Variants in MACROD2 observed in about 807,000 individuals in gnomAD.
MACROD2 encodes ADP-ribose glycohydrolase MACROD2.
In MACROD2, 36 loss-of-function variants were observed where a neutral mutation model predicts 70.4. That is an observed-to-expected ratio of 0.51 (90% CI 0.39 to 0.68). MACROD2 has a LOEUF of 0.68. MACROD2 is among the 30% of genes least tolerant of loss of function. The pLI is 0.00. For synonymous variants in MACROD2, 172 were observed against 178.8 expected (o/e 0.96, Z 0.30); for missense variants, 496 against 538.4 (o/e 0.92, Z 0.78).
chr20:14,826,163 A>G (rs145755780), intron 5 of MACROD2, among the ~76,000 whole-genome samples: 1 of 152,092 alleles, frequency 6.6e-6, no homozygotes, highest in Non-Finnish European at 1.5e-5. Flanking sequence ...TCACTCTGCA[A>G]TAGTTCAATT....
At chr20:14,722,943 A>G (rs1360227850) in intron 5 of MACROD2, among the ~76,000 whole-genome samples, 1 of 152,206 alleles carries the variant, frequency 6.6e-6, no homozygotes, top group Non-Finnish European at 1.5e-5. Flanking sequence ...GTCAGCTTAT[A>G]TTAATCTGAC....
chr20:15,020,443 T>G (rs2075156388), intron 5 of MACROD2, among the ~76,000 whole-genome samples: 1 of 152,202 alleles, frequency 6.6e-6, no homozygotes, highest in South Asian at 2.1e-4. Context: ...CTGAAGCCTG[T>G]GTCTTAAAAC....
intron 3 of MACROD2, among the ~76,000 whole-genome samples, chr20:14,235,902 T>TA (rs2081865079): frequency 1.0e-5 from 1 of 96,872 alleles, no homozygotes; most frequent in African/African-American, 4.0e-5. Flanking sequence ...AGGCAAATAA[T>TA]ACGTGGAAAA....
chr20:14,151,709 T>C (rs2055023607), intron 3 of MACROD2, among the ~76,000 whole-genome samples: 2 of 152,040 alleles, frequency 1.3e-5, no homozygotes, highest in African/African-American at 4.8e-5. Flanking sequence ...AAAAGTATTG[T>C]CTCCAAAGCT....
At chr20:15,354,641 A>G (rs1600283430) in intron 6 of MACROD2, among the ~76,000 whole-genome samples, 1 of 150,730 alleles carries the variant, frequency 6.6e-6, no homozygotes, top group Middle Eastern at 3.4e-3. Context: ...TTAAATGTAA[A>G]TTTTAAAAAA....
chr20:15,408,730 G>T (rs1372252164), intron 6 of MACROD2, among the ~76,000 whole-genome samples: 1 of 152,154 alleles, frequency 6.6e-6, no homozygotes, highest in Non-Finnish European at 1.5e-5. Context: ...AAAGCATTGT[G>T]GAAAGGAAAG....
intron 4 of MACROD2, chr20:14,629,047 A>G (rs2123469432): frequency 6.6e-6 from 1 of 152,310 alleles, no homozygotes; most frequent in Middle Eastern, 3.4e-3. Flanking sequence ...CCTTCCTAAT[A>G]TGCCATATGC....
At chr20:15,815,146 G>T (rs2063859992) in intron 8 of MACROD2, among the ~76,000 whole-genome samples, 1 of 152,200 alleles carries the variant, frequency 6.6e-6, no homozygotes, top group African/African-American at 2.4e-5. Flanking sequence ...GGCTTCAAGT[G>T]CTGGACATGG....
chr20:15,192,618 C>G (rs1356746165), intron 5 of MACROD2, among the ~76,000 whole-genome samples: 1 of 152,174 alleles, frequency 6.6e-6, no homozygotes, highest in Admixed American at 6.5e-5. Flanking sequence ...TATCACTTAG[C>G]CATAAACTAA....
intron 12 of MACROD2, among the ~76,000 whole-genome samples, chr20:15,939,709 A>T (rs1397485817): frequency 6.6e-6 from 1 of 152,052 alleles, no homozygotes; most frequent in Non-Finnish European, 1.5e-5. Flanking sequence ...TAAGACTGTA[A>T]CTGCCATAGA....
At chr20:14,198,042 T>C (rs1269765524) in intron 3 of MACROD2, among the ~76,000 whole-genome samples, 1 of 152,098 alleles carries the variant, frequency 6.6e-6, no homozygotes, top group Non-Finnish European at 1.5e-5. Context: ...TGGTGGAGAA[T>C]GCTGAGTGGT....
intron 2 of MACROD2, among the ~76,000 whole-genome samples, chr20:14,006,021 T>A (rs943285357): frequency 1.3e-5 from 2 of 152,240 alleles, no homozygotes; most frequent in Non-Finnish European, 2.9e-5. Flanking sequence ...CCCATAAGAT[T>A]ATAATACTGT....
intron 5 of MACROD2, among the ~76,000 whole-genome samples, chr20:14,805,231 G>C (rs965968540): frequency 6.6e-6 from 1 of 152,074 alleles, no homozygotes; most frequent in South Asian, 2.1e-4. Flanking sequence ...TTAAGGAAAA[G>C]TTAAGACGTT....
At chr20:15,456,275 C>A (rs1277320592) in intron 7 of MACROD2, among the ~76,000 whole-genome samples, 2 of 152,184 alleles carry the variant, frequency 1.3e-5, no homozygotes, top group African/African-American at 2.4e-5. Context: ...GCTTCAGTTC[C>A]TCTGGGCCTT....
intron 12 of MACROD2, among the ~76,000 whole-genome samples, chr20:15,967,119 A>T (rs1391050780): frequency 6.6e-6 from 1 of 152,140 alleles, no homozygotes; most frequent in Non-Finnish European, 1.5e-5. Context: ...TTACCACTGG[A>T]TTTCAAGGTT....
chr20:14,758,131 A>C, intron 5 of MACROD2: 2 of 329,358 alleles, frequency 6.1e-6, no homozygotes, highest in Non-Finnish European at 1.1e-5. Flanking sequence ...AAAAATCTAA[A>C]CCCTCACTGA....
intron 5 of MACROD2, among the ~76,000 whole-genome samples, chr20:14,740,382 C>A (rs1179526229): frequency 6.6e-6 from 1 of 152,056 alleles, no homozygotes; most frequent in East Asian, 1.9e-4. Context: ...CTAAATAATT[C>A]AACAAAAAAA....
chr20:15,041,457 C>CT (rs1194574719), intron 5 of MACROD2, among the ~76,000 whole-genome samples: 3 of 151,730 alleles, frequency 2.0e-5, no homozygotes, highest in Non-Finnish European at 4.4e-5. Context: ...CTCTCTCTTA[C>CT]TTTTTTGAGA....
intron 5 of MACROD2, among the ~76,000 whole-genome samples, chr20:15,211,601 C>T (rs2076764281): frequency 6.6e-6 from 1 of 152,034 alleles, no homozygotes; most frequent in Non-Finnish European, 1.5e-5. Context: ...TTCTTCCTCA[C>T]TCTCTTGCTC....
Sources: allele counts gnomAD v4.1 joint callset (sites outside exome capture counted in the v4.1 genomes callset), GRCh38; gene constraint gnomAD v4.1.1; transcripts MANE v1.5; gene names NCBI Gene and HGNC (gene_info 2026-07-23, HGNC 2026-07-21).